Variants in SEMA5A observed in about 807,000 individuals in gnomAD.
The protein encoded by SEMA5A is semaphorin 5A, also known as semaphorin-5A.
In SEMA5A, 55 loss-of-function variants were observed where a neutral mutation model predicts 135.5. The ratio of observed to expected loss-of-function variants is 0.41; its 90% CI spans 0.33 to 0.51. SEMA5A has a LOEUF of 0.51. Among genes scored for constraint, SEMA5A ranks in the 20% least tolerant of loss-of-function variants. The probability of loss-of-function intolerance (pLI) is 0.37; values close to 1 mark genes in which losing one functional copy is unlikely to be tolerated. For missense variants in SEMA5A, 1,290 were observed against 1,419.9 expected (o/e 0.91, Z 1.47); for synonymous variants, 580 against 546.5 (o/e 1.06, Z -0.85).
At chr5:9,432,912 A>T (rs1259226874) in intron 2 of SEMA5A, among the ~76,000 whole-genome samples, 1 of 152,232 alleles carries the variant, frequency 6.6e-6, no homozygotes, top group Non-Finnish European at 1.5e-5. Flanking sequence ...AAAATTTTTT[A>T]AAAATGAAAT....
At chr5:9,271,330 AT>A (rs1749963373) in intron 5 of SEMA5A, among the ~76,000 whole-genome samples, 1 of 152,156 alleles carries the variant, frequency 6.6e-6, no homozygotes, top group South Asian at 2.1e-4. Context: ...TTCTTCATAA[AT>A]TACCCATTCT....
At chr5:9,256,635 C>T (rs1204957145) in intron 5 of SEMA5A, among the ~76,000 whole-genome samples, 1 of 152,218 alleles carries the variant, frequency 6.6e-6, no homozygotes, top group Non-Finnish European at 1.5e-5. Context: ...GATTAAATAT[C>T]TCCTCCAACT....
chr5:9,248,653 C>G (rs779149989), intron 5 of SEMA5A, among the ~76,000 whole-genome samples: 3 of 151,896 alleles, frequency 2.0e-5, no homozygotes, highest in Non-Finnish European at 2.9e-5. Flanking sequence ...ATCTCAACAT[C>G]ACTGAAAACA....
At chr5:9,145,929 G>A (rs1742310924) in intron 12 of SEMA5A, among the ~76,000 whole-genome samples, 1 of 151,952 alleles carries the variant, frequency 6.6e-6, no homozygotes, top group Non-Finnish European at 1.5e-5. Context: ...ACAGGTGTGA[G>A]CCACTGCACC....
chr5:9,272,191 G>C (rs988464502), intron 5 of SEMA5A, among the ~76,000 whole-genome samples: 2 of 152,088 alleles, frequency 1.3e-5, no homozygotes, highest in Non-Finnish European at 2.9e-5. Flanking sequence ...GTAGGGGAGT[G>C]TCTGCCATTG....
chr5:9,099,247 A>G (rs1032347006), intron 16 of SEMA5A, among the ~76,000 whole-genome samples: 6 of 152,182 alleles, frequency 3.9e-5, no homozygotes, highest in African/African-American at 1.4e-4. Context: ...CATCTGCTGT[A>G]CCACTCAATT....
At chr5:9,409,879 C>T (rs2126599814) in intron 2 of SEMA5A, among the ~76,000 whole-genome samples, 1 of 105,864 alleles carries the variant, frequency 9.4e-6, no homozygotes. Context: ...TTTTAACAAA[C>T]ACATAACAAT....
chr5:9,043,336 A>T, intron 22 of SEMA5A: 1 of 244,256 alleles, frequency 4.1e-6, no homozygotes, highest in Non-Finnish European at 7.9e-6. Context: ...TTTCAAATTA[A>T]CAGACACTTT....
At chr5:9,249,406 TC>T (rs1189510289) in intron 5 of SEMA5A, among the ~76,000 whole-genome samples, 1 of 152,184 alleles carries the variant, frequency 6.6e-6, no homozygotes, top group Middle Eastern at 3.2e-3. Flanking sequence ...TACTTACCTC[TC>T]CCACACACTT....
At chr5:9,289,349 C>T (rs1004596982) in intron 5 of SEMA5A, among the ~76,000 whole-genome samples, 2 of 152,124 alleles carry the variant, frequency 1.3e-5, no homozygotes, top group Admixed American at 6.5e-5. Flanking sequence ...TTTCTACATT[C>T]AATTTATATT....
chr5:9,384,744 A>C (rs1487915500), intron 2 of SEMA5A, among the ~76,000 whole-genome samples: 6 of 152,020 alleles, frequency 3.9e-5, no homozygotes, highest in African/African-American at 1.2e-4. Flanking sequence ...AGACAGACAG[A>C]TGCATACATA....
intron 11 of SEMA5A, among the ~76,000 whole-genome samples, chr5:9,169,538 G>A (rs912889211): frequency 7.2e-5 from 11 of 152,180 alleles, no homozygotes; most frequent in African/African-American, 2.4e-4. Flanking sequence ...ACTGTGTAAT[G>A]TTCACGTGAT....
intron 5 of SEMA5A, among the ~76,000 whole-genome samples, chr5:9,295,867 T>C (rs1751310329): frequency 6.6e-6 from 1 of 152,222 alleles, no homozygotes; most frequent in South Asian, 2.1e-4. Flanking sequence ...GTTATATATC[T>C]TCAGAGAATT....
rs79847895 is a variant in SEMA5A, at chr5:9,066,752, C to G, written c.2074-106G>C. 6.3e-3 allele frequency: 5,545 copies of G among 873,822 alleles called. 221 individuals carry two copies. In the African/African-American group the frequency reaches 0.08, roughly 13 times the overall value. 54.1% of individuals were successfully genotyped at this position (873,822 alleles called of 1,614,324 possible). A position where few individuals can be genotyped will look rare whatever the true frequency, so the allele number is the denominator to read the frequency against. On this transcript the variant is annotated intron_variant, in intron 16 of 22. Coordinates refer to ENST00000382496, the MANE Select transcript of SEMA5A (RefSeq NM_003966.3). Reference sequence around the variant, plus strand: ...GATAAGGGTCTCTAAAACACCAGCTCCTAAGACACTCACAGCTACTCTACC... The same window carrying G: ...GATAAGGGTCTCTAAAACACCAGCTGCTAAGACACTCACAGCTACTCTACC...
chr5:9,229,151 C>G (rs1747481088), intron 6 of SEMA5A, among the ~76,000 whole-genome samples: 1 of 152,140 alleles, frequency 6.6e-6, no homozygotes, highest in Admixed American at 6.5e-5. Context: ...AACATTATTC[C>G]TAACAGTAAT....
chr5:9,056,368 T>C (rs547513842), intron 18 of SEMA5A, among the ~76,000 whole-genome samples: 125 of 152,234 alleles, frequency 8.2e-4, no homozygotes, highest in Middle Eastern at 3.4e-3. Flanking sequence ...TTATACACTG[T>C]TGGTGGGAAT....
chr5:9,218,405 A>G (rs372852813), intron 8 of SEMA5A, among the ~76,000 whole-genome samples: 29 of 152,284 alleles, frequency 1.9e-4, no homozygotes, highest in African/African-American at 7.0e-4. Flanking sequence ...TGCCCAGTAT[A>G]TGAGCACGCA....
chr5:9,175,934 C>G (rs546678973), intron 11 of SEMA5A, among the ~76,000 whole-genome samples: 85 of 152,296 alleles, frequency 5.6e-4, no homozygotes, highest in African/African-American at 1.9e-3. Context: ...CTACCATAGG[C>G]AGATTCCTAA....
At chr5:9,087,103 C>A (rs1738740021) in intron 16 of SEMA5A, among the ~76,000 whole-genome samples, 2 of 152,196 alleles carry the variant, frequency 1.3e-5, no homozygotes, top group Admixed American at 6.5e-5. Flanking sequence ...CCAGATACAG[C>A]ACGATGTGAG....
Sources: gnomAD v4.1 joint callset for allele counts (sites outside exome capture counted in the v4.1 genomes callset) on GRCh38, gnomAD v4.1.1 for gene constraint, MANE v1.5 for transcripts, NCBI Gene and HGNC (gene_info 2026-07-23, HGNC 2026-07-21) for gene names.